The following AHI1 variants were observed in gnomAD, a reference collection of about 807,000 sequenced individuals.
AHI1 encodes the protein jouberin.
In AHI1, 123 loss-of-function variants were observed where a neutral mutation model predicts 149.3. That is an observed-to-expected ratio of 0.82 (90% CI 0.71 to 0.96). AHI1 has a LOEUF of 0.96. Among genes scored for constraint, AHI1 ranks in the 40% least tolerant of loss-of-function variants. The probability of loss-of-function intolerance (pLI) is 0.00; values close to 1 mark genes in which losing one functional copy is unlikely to be tolerated. For synonymous variants in AHI1, 475 were observed against 459.8 expected, an observed-to-expected ratio of 1.03 and a Z score of -0.42; for missense variants, 1,439 against 1,422.7, an observed-to-expected ratio of 1.01 and a Z score of -0.18.
intron 3 of AHI1, 129 bp from the exon 4 acceptor site, chr6:135,492,420 C>T: frequency 7.7e-7 from 1 of 1,295,432 alleles, no homozygotes; most frequent in African/African-American, 1.5e-5. Context: ...AAGCTATGTT[C>T]CCTTAACCCA....
chr6:135,445,338 A>T (rs536114722), intron 13 of AHI1, among the ~76,000 whole-genome samples: 1 of 152,360 alleles, frequency 6.6e-6, no homozygotes, highest in African/African-American at 2.4e-5. Flanking sequence ...CAAGTAAAAC[A>T]TTGCAAAATT....
chr6:135,393,476 A>G (rs375800632), intron 23 of AHI1, among the ~76,000 whole-genome samples: 2 of 152,214 alleles, frequency 1.3e-5, no homozygotes, highest in Non-Finnish European at 1.5e-5. Context: ...CCTCCTAGTT[A>G]TAAGAATGAC....
chr6:135,413,116 C>T (rs1041599676), intron 20 of AHI1, among the ~76,000 whole-genome samples: 2 of 151,790 alleles, frequency 1.3e-5, no homozygotes, highest in Admixed American at 6.6e-5. Flanking sequence ...ATCACTTGAG[C>T]CTAGGAGTTT....
chr6:135,430,714 T>C (rs1784528397), intron 17 of AHI1, among the ~76,000 whole-genome samples: 1 of 151,932 alleles, frequency 6.6e-6, no homozygotes, highest in African/African-American at 2.4e-5. Context: ...ATGAAAGAAC[T>C]TATTCATTTG....
rs78713498 is a variant in AHI1 at position 135,486,997 on chromosome 6, C to T, written c.135+3626G>A. On this transcript the variant is annotated intron_variant, in intron 5 of 28. Transcript: ENST00000265602. ...CCCAGGCTAGTCTTGAACTCCTGCA[C>T]TCAAGCAATTCTCCCACCTTGGATT... is the stretch of plus-strand genomic sequence containing the variant. Among the ~76,000 whole-genome samples, 1,099 of 152,254 alleles carry T rather than the reference C, an allele frequency of 7.2e-3. 10 individuals are homozygous for T. The highest frequency in any genetic ancestry group is 0.025 in the African/African-American group (1,042 of 41,560).
At chr6:135,337,171 T>C (rs984076602) in intron 24 of AHI1, among the ~76,000 whole-genome samples, 11 of 151,578 alleles carry the variant, frequency 7.3e-5, no homozygotes, top group African/African-American at 2.7e-4. Flanking sequence ...AAAAAAAGGG[T>C]CTTAAAGACT....
intron 23 of AHI1, among the ~76,000 whole-genome samples, chr6:135,381,474 C>T (rs573321788): frequency 2.0e-5 from 3 of 152,112 alleles, no homozygotes; most frequent in Admixed American, 6.5e-5. Context: ...CTCAGAATGC[C>T]GTAAGATCCT....
chr6:135,394,994 C>G (rs753378844), intron 22 of AHI1, 98 bp from the exon 23 acceptor site: 1 of 1,258,934 alleles, frequency 7.9e-7, no homozygotes, highest in East Asian at 2.6e-5. Context: ...CAAACCAGGA[C>G]ACATGATAGG....
chr6:135,365,434 A>G (rs1289726572), intron 23 of AHI1, among the ~76,000 whole-genome samples: 1 of 152,198 alleles, frequency 6.6e-6, no homozygotes, highest in Non-Finnish European at 1.5e-5. Flanking sequence ...TTACCCATCC[A>G]TGAGCATGGG....
chr6:135,488,959 T>C (rs1010607771), intron 5 of AHI1, among the ~76,000 whole-genome samples: 2 of 152,188 alleles, frequency 1.3e-5, no homozygotes, highest in Non-Finnish European at 2.9e-5. Context: ...TTTTCTCCTG[T>C]ACAGAAATAA....
At chr6:135,486,892 C>T (rs1278065613) in intron 5 of AHI1, among the ~76,000 whole-genome samples, 5 of 152,144 alleles carry the variant, frequency 3.3e-5, no homozygotes, top group African/African-American at 7.2e-5. Context: ...CTCAGCCTCC[C>T]AAGTAGCTAG....
At chr6:135,303,507 C>T (rs1784148985) in intron 26 of AHI1, among the ~76,000 whole-genome samples, 1 of 150,648 alleles carries the variant, frequency 6.6e-6, no homozygotes, top group African/African-American at 2.4e-5. Context: ...TTGGTTCTGT[C>T]ATTAACTCTG....
At chr6:135,487,253 T>C (rs1203502571) in intron 5 of AHI1, among the ~76,000 whole-genome samples, 2 of 152,128 alleles carry the variant, frequency 1.3e-5, no homozygotes, top group Non-Finnish European at 2.9e-5. Flanking sequence ...TTTATATATA[T>C]ACTTGTTTTA....
intron 24 of AHI1, 52 bp downstream of exon 24, chr6:135,358,080 T>A: frequency 2.6e-6 from 4 of 1,534,798 alleles, no homozygotes; most frequent in Non-Finnish European, 3.6e-6. Flanking sequence ...ATAACCAGTA[T>A]AATTTTGTAC....
intron 27 of AHI1, among the ~76,000 whole-genome samples, chr6:135,298,324 T>A: frequency 7.7e-6 from 1 of 130,176 alleles, no homozygotes. Flanking sequence ...GACTGACATT[T>A]CTCAAAAAAA....
At chr6:135,446,689 T>C (rs1316787232) in intron 13 of AHI1, among the ~76,000 whole-genome samples, 1 of 152,204 alleles carries the variant, frequency 6.6e-6, no homozygotes, top group Non-Finnish European at 1.5e-5. Context: ...AGCATCTTGA[T>C]CTTGGACTTC....
At chr6:135,336,562 C>T (rs1469124558) in intron 24 of AHI1, among the ~76,000 whole-genome samples, 1 of 152,190 alleles carries the variant, frequency 6.6e-6, no homozygotes, top group Admixed American at 6.5e-5. Context: ...CATGCCACTG[C>T]ACTCCAGCCT....
At chr6:135,490,280 C>T (rs111823229) in intron 5 of AHI1, 5 of 712,236 alleles carry the variant, frequency 7.0e-6, no homozygotes, top group Non-Finnish European at 1.3e-5. Context: ...TATTCAATAT[C>T]TGAAGTTAAG....
chr6:135,427,385 CATTT>C (rs1784058937), intron 19 of AHI1, 78 bp from the exon 20 acceptor site: 3 of 1,260,914 alleles, frequency 2.4e-6, no homozygotes, highest in Non-Finnish European at 3.3e-6. Flanking sequence ...ATTATTCTGC[CATTT>C]ATTAGAAAAT....
Sources: allele counts gnomAD v4.1 joint callset (sites outside exome capture counted in the v4.1 genomes callset), GRCh38; gene constraint gnomAD v4.1.1; transcripts MANE v1.5; gene names NCBI Gene and HGNC (gene_info 2026-07-23, HGNC 2026-07-21).